PID1: variants seen among roughly 807,000 people sequenced by gnomAD.
PID1 encodes the protein phosphotyrosine interaction domain containing 1.
In PID1, 10 loss-of-function variants were observed where a neutral mutation model predicts 19.1. The observed-to-expected ratio is 0.52, with a 90% CI of 0.32 to 0.89. The LOEUF (loss-of-function observed/expected upper bound fraction) is 0.89. Ranked by LOEUF, PID1 falls within the 40% of genes least tolerant of loss-of-function variation. The pLI is 0.03. For missense variants in PID1, 248 were observed against 285.3 expected (o/e 0.87, Z 0.94); for synonymous variants, 130 against 116.0 (o/e 1.12, Z -0.78).
chr2:229,033,181 G>A (rs569870160), intron 2 of PID1, among the ~76,000 whole-genome samples: 1 of 152,310 alleles, frequency 6.6e-6, no homozygotes, highest in South Asian at 2.1e-4. Context: ...CTAGACTGGA[G>A]AGTGGGATCA....
chr2:229,026,755 A>T (rs1167997819), intron 2 of PID1, among the ~76,000 whole-genome samples: 1 of 152,214 alleles, frequency 6.6e-6, no homozygotes, highest in African/African-American at 2.4e-5. Context: ...GCATCTGTTG[A>T]TCTGATAATA....
intron 1 of PID1, among the ~76,000 whole-genome samples, chr2:229,255,851 A>G (rs1004930292): frequency 1.3e-5 from 2 of 152,168 alleles, no homozygotes; most frequent in African/African-American, 2.4e-5. Context: ...ACAAGCAATG[A>G]CCATGGCTCC....
At chr2:229,240,685 A>C (rs1689846059) in intron 1 of PID1, among the ~76,000 whole-genome samples, 1 of 152,128 alleles carries the variant, frequency 6.6e-6, no homozygotes, top group South Asian at 2.1e-4. Flanking sequence ...TAAAAAACAA[A>C]AGTGTAGTTT....
intron 2 of PID1, among the ~76,000 whole-genome samples, chr2:229,134,600 T>TA (rs1173657621): frequency 6.6e-6 from 1 of 151,862 alleles, no homozygotes; most frequent in Non-Finnish European, 1.5e-5. Flanking sequence ...ATGTTGAAGC[T>TA]AAAAAAAGTA....
intron 1 of PID1, among the ~76,000 whole-genome samples, chr2:229,198,397 C>G (rs926948222): frequency 1.3e-5 from 2 of 152,046 alleles, no homozygotes; most frequent in African/African-American, 2.4e-5. Flanking sequence ...TGCCCACACT[C>G]TCTCCTGATC....
chr2:229,269,738 G>A (rs1690685719), intron 1 of PID1, among the ~76,000 whole-genome samples: 1 of 152,332 alleles, frequency 6.6e-6, no homozygotes, highest in African/African-American at 2.4e-5. Context: ...GTAAGACAAG[G>A]AGGGGGTTAG....
intron 1 of PID1, among the ~76,000 whole-genome samples, chr2:229,158,359 A>G (rs13030636): frequency 0.32 from 48,155 of 151,788 alleles, 8,353 homozygotes; most frequent in East Asian, 0.69. Flanking sequence ...ATCTCTGCCT[A>G]CTCCTTGTCC....
intron 2 of PID1, among the ~76,000 whole-genome samples, chr2:229,051,721 A>T (rs1036160057): frequency 1.3e-5 from 2 of 152,178 alleles, no homozygotes; most frequent in African/African-American, 4.8e-5. Context: ...AACAAACTTA[A>T]TGAGGTAACA....
chr2:229,143,818 G>GCTTCCC (rs1270072031), intron 2 of PID1, among the ~76,000 whole-genome samples: 1 of 152,164 alleles, frequency 6.6e-6, no homozygotes, highest in Non-Finnish European at 1.5e-5. Context: ...AATGTGCCTT[G>GCTTCCC]CTTCCCCTTC....
At chr2:229,134,226 C>T (rs1689807677) in intron 2 of PID1, among the ~76,000 whole-genome samples, 1 of 106,502 alleles carries the variant, frequency 9.4e-6, no homozygotes, top group Admixed American at 1.4e-4. Flanking sequence ...ATGTTTACTA[C>T]CTGTGTTTTT....
intron 1 of PID1, among the ~76,000 whole-genome samples, chr2:229,235,001 A>C (rs1039305981): frequency 6.6e-6 from 1 of 152,194 alleles, no homozygotes; most frequent in Admixed American, 6.5e-5. Flanking sequence ...GAGTACTGAA[A>C]TAACAGTTGT....
At chr2:229,227,509 C>G (rs1692104575) in intron 1 of PID1, among the ~76,000 whole-genome samples, 1 of 152,148 alleles carries the variant, frequency 6.6e-6, no homozygotes, top group African/African-American at 2.4e-5. Flanking sequence ...AGCAATTATC[C>G]ATTCCCTTAA....
At chr2:229,090,687 A>G (rs140051422) in intron 2 of PID1, among the ~76,000 whole-genome samples, 39 of 152,332 alleles carry the variant, frequency 2.6e-4, no homozygotes, top group African/African-American at 8.7e-4. Context: ...TGAATGCTCT[A>G]TTTCAGCAAA....
intron 2 of PID1, among the ~76,000 whole-genome samples, chr2:229,147,159 T>C (rs928724941): frequency 2.0e-5 from 3 of 152,174 alleles, no homozygotes; most frequent in Admixed American, 6.5e-5. Flanking sequence ...ACAAGTTAAA[T>C]GGAAAAACGT....
At chr2:229,129,711 C>T (rs1054086378) in intron 2 of PID1, among the ~76,000 whole-genome samples, 2 of 152,254 alleles carry the variant, frequency 1.3e-5, no homozygotes, top group South Asian at 4.2e-4. Flanking sequence ...CCTTTTCCCC[C>T]CATATTAGTC....
intron 2 of PID1, among the ~76,000 whole-genome samples, chr2:229,112,112 T>G (rs1695310795): frequency 6.6e-6 from 1 of 152,230 alleles, no homozygotes; most frequent in South Asian, 2.1e-4. Context: ...CTGGCCTTGT[T>G]AAGAACTTTT....
chr2:229,193,387 G>C (rs1691304428), intron 1 of PID1, among the ~76,000 whole-genome samples: 1 of 152,156 alleles, frequency 6.6e-6, no homozygotes, highest in African/African-American at 2.4e-5. Flanking sequence ...AGCTGATGCT[G>C]CTCTAAGGCT....
rs1228578236 is a variant in PID1 at position 229,113,476 on chromosome 2, G to GTA, written c.177+42340_177+42341dup. ...AACACACACACACATAGATATGTGT[G>GTA]TATATATATATACATGTATGTGTGT... On this transcript the variant is annotated intron_variant, in intron 2 of 2. Transcript: ENST00000392055. Among the ~76,000 whole-genome samples the GTA allele has an allele frequency of 1.3e-3, 174 of 133,370 alleles. 1 individual carries two copies. Among genetic ancestry groups the GTA allele is most frequent in the Middle Eastern group, 7.5e-3 (2 of 268 alleles). 87.5% of individuals were successfully genotyped at this position (133,370 alleles called of 152,430 possible).
Position 229,083,772 on chromosome 2 carries a change from G to A in PID1, c.178-57664C>T, listed in dbSNP as rs573729738. On this transcript the variant is annotated intron_variant, in intron 2 of 2. Coordinates refer to ENST00000392055, the MANE Select transcript of PID1 (RefSeq NM_001100818.2). Reference sequence around the variant, plus strand: ...ACATGTTTATTCCAAGTACAACCTTGGCAAGCTGTCAAAGGCAATTCAGAT... The same window carrying A: ...ACATGTTTATTCCAAGTACAACCTTAGCAAGCTGTCAAAGGCAATTCAGAT... 3.3e-5 allele frequency among the ~76,000 whole-genome samples: 5 copies of A among 152,258 alleles called. No individual in the cohort carries two copies. In the East Asian group the frequency reaches 9.7e-4, roughly 29 times the overall value.
Sources: gnomAD v4.1 joint callset for allele counts (sites outside exome capture counted in the v4.1 genomes callset) on GRCh38, gnomAD v4.1.1 for gene constraint, MANE v1.5 for transcripts, NCBI Gene and HGNC (gene_info 2026-07-23, HGNC 2026-07-21) for gene names.